Variants in PADI1 observed in about 807,000 individuals in gnomAD.
The protein encoded by PADI1 is peptidyl arginine deiminase 1.
PADI1 carries 65 observed loss-of-function variants against 74.8 expected under a neutral mutation model. That is an observed-to-expected ratio of 0.87 (90% CI 0.71 to 1.07). The LOEUF (loss-of-function observed/expected upper bound fraction) is 1.07. Among genes scored for constraint, PADI1 ranks in the 50% least tolerant of loss-of-function variants. The pLI is 0.00. For synonymous variants in PADI1, 371 were observed against 336.2 expected, an observed-to-expected ratio of 1.10 and a Z score of -1.13; for missense variants, 943 against 854.0, an observed-to-expected ratio of 1.10 and a Z score of -1.30.
chr1:17,220,607 G>A lies in PADI1; in HGVS notation c.93-1683G>A, dbSNP rs191473519. On this transcript the variant is annotated intron_variant, in intron 1 of 15. Transcript: ENST00000375471. ...CATCTTTGTAGTCAGGTGGATGTCT[G>A]TAAGTGGACTTGACCTTGGGTGGTG... Among the ~76,000 whole-genome samples the A allele has an allele frequency of 2.0e-3, 301 of 152,294 alleles. 1 individual carries two copies. Among genetic ancestry groups the A allele is most frequent in the African/African-American group, 7.0e-3 (289 of 41,552 alleles).
At chr1:17,215,355 A>G (rs1569761641) in intron 1 of PADI1, among the ~76,000 whole-genome samples, 1 of 151,700 alleles carries the variant, frequency 6.6e-6, no homozygotes, top group Non-Finnish European at 1.5e-5. Flanking sequence ...GAGAAATTGT[A>G]CCTGTCATTT....
At chr1:17,239,681 G>A (rs1557484195) in intron 13 of PADI1, 23 bp from the exon 14 acceptor site, 4 of 1,592,748 alleles carry the variant, frequency 2.5e-6, no homozygotes, top group South Asian at 1.1e-5. Flanking sequence ...CCTGAGCTAT[G>A]TACTGTCTTT....
At chr1:17,221,250 C>T (rs2072140590) in intron 1 of PADI1, among the ~76,000 whole-genome samples, 1 of 152,184 alleles carries the variant, frequency 6.6e-6, no homozygotes, top group South Asian at 2.1e-4. Flanking sequence ...GGCACCTACA[C>T]CTACCATGTG....
intron 10 of PADI1, among the ~76,000 whole-genome samples, 178 bp downstream of exon 10, chr1:17,230,857 G>A (rs548968274): frequency 2.0e-5 from 3 of 152,320 alleles, no homozygotes; most frequent in South Asian, 4.1e-4. Context: ...GGCAAGAGAG[G>A]AAATGATATG....
chr1:17,221,274 T>C (rs1030709327), intron 1 of PADI1, among the ~76,000 whole-genome samples: 12 of 152,056 alleles, frequency 7.9e-5, no homozygotes, highest in African/African-American at 2.9e-4. Flanking sequence ...GACACTGTTA[T>C]AGGTGCTGGG....
chr1:17,230,949 G>A (rs539680008), intron 10 of PADI1, among the ~76,000 whole-genome samples: 29 of 152,330 alleles, frequency 1.9e-4, no homozygotes, highest in African/African-American at 6.7e-4. Flanking sequence ...GGATAAGGCG[G>A]CTGGTCACCA....
rs1407854782 is a variant in PADI1, at chr1:17,239,689, T to G, written c.1553-15T>G. 1 of 1,607,754 alleles carries G rather than the reference T, an allele frequency of 6.2e-7. No individual in the cohort carries two copies. The highest frequency in any genetic ancestry group is 2.2e-5 in the East Asian group (1 of 44,840). On this transcript the variant is annotated splice_polypyrimidine_tract_variant and intron_variant, in intron 13 of 15. Coordinates refer to ENST00000375471, the MANE Select transcript of PADI1 (RefSeq NM_013358.3). ...AGTGCTCCCTGAGCTATGTACTGTC[T>G]TTCTCTTCTTGCAGGGTTAAAACAC...
intron 6 of PADI1, among the ~76,000 whole-genome samples, chr1:17,227,392 A>G (rs1362374665): frequency 6.7e-6 from 1 of 150,290 alleles, no homozygotes. Flanking sequence ...TACAAAACAT[A>G]CAAAAAAATT....
At position 17,217,322 on chromosome 1, in the gene PADI1, T is replaced by C. The variant is rs557717336; in HGVS notation, c.93-4968T>C. Among the ~76,000 whole-genome samples, 7 of 152,210 alleles carry C rather than the reference T, an allele frequency of 4.6e-5. No homozygotes were observed. In the South Asian group the frequency reaches 1.2e-3, roughly 27 times the overall value. The stretch of plus-strand genomic sequence containing the variant: ...CTGCCAGGTGGGCCGCAGTGTTGTT[T>C]AGGGTCTCCTAGACCAGTTCAGGGC... On this transcript the variant is annotated intron_variant, in intron 1 of 15. Transcript: ENST00000375471.
intron 1 of PADI1, among the ~76,000 whole-genome samples, chr1:17,210,396 A>G (rs2100397048): frequency 6.6e-6 from 1 of 151,946 alleles, no homozygotes; most frequent in South Asian, 2.1e-4. Context: ...AGGATCGGTG[A>G]CTCACGACTT....
Position 17,230,657 on chromosome 1 carries a change from A to G in PADI1, c.1139A>G (p.Asp380Gly). ...TCCCCCAGGAACAGGGGCCTGAAAG[A>G]TTTCCCCTATAAGAGGATCCTGGTA... ...FDSPRNRGLK[D>G]FPYKRILGPD... Residue 380 changes from aspartate (D) to glycine (G), a missense_variant, in exon 10 of 16, where the codon GAT (aspartate) becomes GGT (glycine). Asp to Gly is a moderately conservative substitution (Grantham distance 94). Transcript: ENST00000375471. 3 of 1,608,642 alleles carry G rather than the reference A, an allele frequency of 1.9e-6. No homozygotes were observed. The highest frequency in any genetic ancestry group is 1.7e-6 in the Non-Finnish European group (2 of 1,175,842).
intron 1 of PADI1, among the ~76,000 whole-genome samples, chr1:17,211,881 G>A (rs566496433): frequency 1.8e-4 from 27 of 152,362 alleles, no homozygotes; most frequent in African/African-American, 4.8e-4. Context: ...GGGGCCATGG[G>A]GATGGAATCA....
Position 17,222,310 on chromosome 1 carries a change from A to G in PADI1, c.113A>G (p.Asn38Ser). Residue 38 changes from asparagine to serine, a missense_variant, in exon 2 of 16, where the codon AAC becomes AGC. Coordinates refer to ENST00000375471, the MANE Select transcript of PADI1 (RefSeq NM_013358.3). ...GCCAGTGATGTGCCCAAGGGTGCCA[A>G]CAGCTTCAGGGTCTCTGGAAGCTCC... ...DIHSDVPKGA[N>S]SFRVSGSSGV... The G allele has an allele frequency of 6.2e-7, 1 of 1,613,922 alleles. No individual in the cohort carries two copies. The highest frequency in any genetic ancestry group is 8.5e-7 in the Non-Finnish European group (1 of 1,179,824).
At chr1:17,243,274 G>A (rs2072813691) in intron 15 of PADI1, among the ~76,000 whole-genome samples, 1 of 152,072 alleles carries the variant, frequency 6.6e-6, no homozygotes, top group Non-Finnish European at 1.5e-5. Flanking sequence ...CCGCAACCAA[G>A]GGAAGGAGAG....
intron 13 of PADI1, 84 bp downstream of exon 13, chr1:17,238,793 T>C (rs1204816024): frequency 3.2e-6 from 2 of 615,444 alleles, no homozygotes; most frequent in Non-Finnish European, 5.1e-6. Context: ...CCTGCAGATC[T>C]CTCAGCTGGA....
At chr1:17,240,602 A>G (rs754499100) in intron 14 of PADI1, 33 bp from the exon 15 acceptor site, 5 of 1,436,606 alleles carry the variant, frequency 3.5e-6, no homozygotes, top group Non-Finnish European at 4.8e-6. Context: ...TGCTCTTCCT[A>G]GTCCTGGGCT....
Position 17,237,444 on chromosome 1 carries a change from A to T in PADI1, c.1444A>T (p.Thr482Ser). The T allele has an allele frequency of 6.2e-7, 1 of 1,610,972 alleles. No individual in the cohort carries two copies. Residue 482 changes from threonine (T) to serine (S), a missense_variant, in exon 12 of 16, where the codon ACC (threonine) becomes TCC (serine). Physicochemically the swap from Thr to Ser is moderately conservative, Grantham distance 58 (BLOSUM62 1). Transcript: ENST00000375471. Reference sequence around the variant, plus strand: ...GGACGAGTTTCTGACCTTTGTGCCTACCTCTGACCAAAAGGTGCGTCCCCT... The same window carrying T: ...GGACGAGTTTCTGACCTTTGTGCCTTCCTCTGACCAAAAGGTGCGTCCCCT... ...HVDEFLTFVP[T>S]SDQKGFRLLL...
At position 17,227,141 on chromosome 1, in the gene PADI1, G is replaced by T. The variant is rs954949459; in HGVS notation, c.652+983G>T. ...AAACCCAGGAGGCAGAGGTTGCAGT[G>T]AACCAAGATCATGCCACTGCACTCC... is the stretch of plus-strand genomic sequence containing the variant. On this transcript the variant is annotated intron_variant, in intron 6 of 15. Coordinates refer to ENST00000375471, the MANE Select transcript of PADI1 (RefSeq NM_013358.3). 3.3e-5 allele frequency among the ~76,000 whole-genome samples: 5 copies of T among 150,450 alleles called. No homozygotes were observed. In the South Asian group the frequency reaches 1.0e-3, roughly 32 times the overall value.
rs942045149 is a variant in PADI1 at position 17,231,853 on chromosome 1, A to G, written c.1162-966A>G. Among the ~76,000 whole-genome samples the G allele has an allele frequency of 2.6e-5, 4 of 152,056 alleles. No homozygotes were observed. The East Asian group carries it at 7.7e-4, about 29-fold the overall frequency. On this transcript the variant is annotated intron_variant, in intron 10 of 15. Transcript: ENST00000375471. ...GGTGTGCTGCACCCATTAACTCGGC[A>G]TTTACATTAGTTATATCTTGTAATG...
Sources: allele counts gnomAD v4.1 joint callset (sites outside exome capture counted in the v4.1 genomes callset), GRCh38; gene constraint gnomAD v4.1.1; transcripts MANE v1.5; gene names NCBI Gene and HGNC (gene_info 2026-07-23, HGNC 2026-07-21).